RASGRP1: variants seen among roughly 807,000 people sequenced by gnomAD.
The protein encoded by RASGRP1 is RAS guanyl-releasing protein 1.
In RASGRP1, 37 loss-of-function variants were observed where a neutral mutation model predicts 95.1. That is an observed-to-expected ratio of 0.39 (90% CI 0.30 to 0.51). RASGRP1 has a LOEUF of 0.51. RASGRP1 is among the 20% of genes least tolerant of loss of function. RASGRP1 has a pLI of 0.80. For synonymous variants in RASGRP1, 325 were observed against 353.4 expected (o/e 0.92, Z 0.90); for missense variants, 711 against 965.4 (o/e 0.74, Z 3.49).
At chr15:38,514,165 G>A (rs1891662962) in intron 6 of RASGRP1, among the ~76,000 whole-genome samples, 1 of 152,256 alleles carries the variant, frequency 6.6e-6, no homozygotes, top group East Asian at 1.9e-4. Context: ...TTCTGCCTAA[G>A]TAGTAAATAT....
chr15:38,544,962 A>G (rs1053525052), intron 2 of RASGRP1, among the ~76,000 whole-genome samples: 5 of 152,206 alleles, frequency 3.3e-5, no homozygotes, highest in African/African-American at 1.2e-4. Flanking sequence ...TAATTCTAAT[A>G]TCCAGTATTC....
intron 10 of RASGRP1, among the ~76,000 whole-genome samples, chr15:38,505,566 C>T (rs915745854): frequency 1.3e-5 from 2 of 152,168 alleles, no homozygotes; most frequent in Non-Finnish European, 2.9e-5. Flanking sequence ...CCACACCTGG[C>T]ATTCTGATGA....
intron 16 of RASGRP1, among the ~76,000 whole-genome samples, chr15:38,493,964 T>C (rs1249404046): frequency 6.6e-6 from 1 of 152,172 alleles, no homozygotes; most frequent in Non-Finnish European, 1.5e-5. Flanking sequence ...AAGGAGGATT[T>C]AGGCAAGTTC....
At chr15:38,505,639 T>C (rs1291266898) in intron 10 of RASGRP1, among the ~76,000 whole-genome samples, 1 of 152,158 alleles carries the variant, frequency 6.6e-6, no homozygotes, top group African/African-American at 2.4e-5. Flanking sequence ...CCTTCAACTA[T>C]ATCACAGCTT....
chr15:38,555,289 C>T (rs1893509584), intron 2 of RASGRP1, among the ~76,000 whole-genome samples: 1 of 152,238 alleles, frequency 6.6e-6, no homozygotes, highest in South Asian at 2.1e-4. Flanking sequence ...AGCATTAGTA[C>T]AATTCACACA....
chr15:38,511,819 T>A (rs200595079), intron 7 of RASGRP1, 99 bp from the exon 8 acceptor site: 2 of 823,536 alleles, frequency 2.4e-6, no homozygotes, highest in Admixed American at 2.0e-5. Flanking sequence ...GAGTCTCCCT[T>A]ACGCTGGTTA....
At chr15:38,556,862 A>G (rs558988878) in intron 2 of RASGRP1, among the ~76,000 whole-genome samples, 2 of 152,318 alleles carry the variant, frequency 1.3e-5, no homozygotes, top group South Asian at 4.1e-4. Flanking sequence ...TCTCTTTAAA[A>G]CAGTTTCTTT....
At chr15:38,515,934 GTGCCCAC>G in intron 6 of RASGRP1, among the ~76,000 whole-genome samples, 1 of 146,618 alleles carries the variant, frequency 6.8e-6, no homozygotes, top group East Asian at 1.9e-4. Flanking sequence ...TGTGTGATGT[GTGCCCAC>G]AGTATGGTAA....
intron 14 of RASGRP1, among the ~76,000 whole-genome samples, chr15:38,499,642 A>G (rs549928975): frequency 6.6e-6 from 1 of 152,300 alleles, no homozygotes; most frequent in South Asian, 2.1e-4. Context: ...GAAGTTGTGG[A>G]CTAAATGGAC....
chr15:38,517,722 G>A (rs1006262604), intron 5 of RASGRP1, among the ~76,000 whole-genome samples: 1 of 152,084 alleles, frequency 6.6e-6, no homozygotes, highest in Admixed American at 6.6e-5. Flanking sequence ...TGAAAACCCT[G>A]GCATACAAAG....
At chr15:38,533,174 A>C (rs1892514888) in intron 2 of RASGRP1, among the ~76,000 whole-genome samples, 1 of 152,190 alleles carries the variant, frequency 6.6e-6, no homozygotes, top group Admixed American at 6.5e-5. Flanking sequence ...GCAAGCTGTC[A>C]GCATTGAGGG....
At chr15:38,555,295 A>C (rs1385207644) in intron 2 of RASGRP1, among the ~76,000 whole-genome samples, 6 of 152,246 alleles carry the variant, frequency 3.9e-5, no homozygotes, top group Non-Finnish European at 8.8e-5. Context: ...AGTACAATTC[A>C]CACAAGAATT....
chr15:38,552,333 G>A (rs547931231), intron 2 of RASGRP1, among the ~76,000 whole-genome samples: 84 of 152,264 alleles, frequency 5.5e-4, no homozygotes, highest in African/African-American at 1.9e-3. Flanking sequence ...AAAAATAGAA[G>A]TCTCAGCTTT....
At chr15:38,526,492 T>G in intron 2 of RASGRP1, 88 bp from the exon 3 acceptor site, 1 of 932,776 alleles carries the variant, frequency 1.1e-6, no homozygotes, top group Non-Finnish European at 1.7e-6. Flanking sequence ...GTGACTCAGG[T>G]GCAATCCTTC....
chr15:38,514,990 A>AGAGAATG (rs1891702825), intron 6 of RASGRP1, among the ~76,000 whole-genome samples: 3 of 152,202 alleles, frequency 2.0e-5, no homozygotes, highest in African/African-American at 7.2e-5. Flanking sequence ...TGAGGGGTGC[A>AGAGAATG]GAGAATGGAG....
chr15:38,550,386 G>T (rs759473215), intron 2 of RASGRP1, among the ~76,000 whole-genome samples: 3 of 151,810 alleles, frequency 2.0e-5, no homozygotes, highest in Non-Finnish European at 2.9e-5. Context: ...TTCACATCAA[G>T]AATTTTTAAT....
Position 38,505,917 on chromosome 15 carries a change from A to T in RASGRP1, c.1246T>A (p.Ser416Thr). 1 of 1,607,086 alleles carries T rather than the reference A, an allele frequency of 6.2e-7. No homozygotes were observed. The highest frequency in any genetic ancestry group is 8.5e-7 in the Non-Finnish European group (1 of 1,175,620). The change falls in exon 10 of 17, where the codon TCC (serine) becomes ACC (threonine). Residue 416 changes from serine (S) to threonine (T), a missense_variant. Physicochemically the swap from Ser to Thr is moderately conservative, Grantham distance 58. Coordinates refer to ENST00000310803, the MANE Select transcript of RASGRP1 (RefSeq NM_005739.4). Reference sequence around the variant, plus strand: ...TCCTCAGTGTAGTAAAGATCCAGGGATAACTGCAGATCAAAGCAGAACAGG... The same window carrying T: ...TCCTCAGTGTAGTAAAGATCCAGGGTTAACTGCAGATCAAAGCAGAACAGG... ...NKDLVHLLTL[S>T]LDLYYTEDEI...
intron 13 of RASGRP1, 38 bp from the exon 14 acceptor site, chr15:38,500,177 A>C: frequency 1.9e-6 from 3 of 1,606,802 alleles, no homozygotes; most frequent in Non-Finnish European, 2.6e-6. Flanking sequence ...CATGTCATTC[A>C]TCCATCTGGT....
At chr15:38,538,731 G>A (rs963215916) in intron 2 of RASGRP1, among the ~76,000 whole-genome samples, 2 of 152,156 alleles carry the variant, frequency 1.3e-5, no homozygotes, top group Non-Finnish European at 2.9e-5. Flanking sequence ...TTTGCTCTTT[G>A]CAGAATGAGA....
Sources: allele counts gnomAD v4.1 joint callset (sites outside exome capture counted in the v4.1 genomes callset), GRCh38; gene constraint gnomAD v4.1.1; transcripts MANE v1.5; gene names NCBI Gene and HGNC (gene_info 2026-07-23, HGNC 2026-07-21).